BTD: variants seen among roughly 807,000 people sequenced by gnomAD.
BTD encodes the protein biocytinase.
Under a neutral mutation model 17.7 loss-of-function variants are expected in BTD, and 13 were observed. That is an observed-to-expected ratio of 0.74 (90% confidence interval 0.48 to 1.17). The LOEUF is 1.17. BTD is among the 50% of genes most tolerant of loss of function. BTD has a pLI of 0.00. For synonymous variants in BTD, 240 were observed against 245.2 expected (o/e 0.98, Z 0.20); for missense variants, 674 against 650.4 (o/e 1.04, Z -0.39).
intron 1 of BTD, among the ~76,000 whole-genome samples, chr3:15,610,357 G>A (rs532099331): frequency 6.6e-6 from 1 of 152,032 alleles, no homozygotes; most frequent in South Asian, 2.1e-4. Flanking sequence ...CTCTATGTGC[G>A]GTGTTTGCTA....
chr3:15,704,839 A>G (rs900688235), intron 3 of BTD, among the ~76,000 whole-genome samples: 3 of 152,202 alleles, frequency 2.0e-5, no homozygotes, highest in Non-Finnish European at 2.9e-5. Context: ...GCTCCCATGG[A>G]ACAAATCATT....
chr3:15,720,839 C>T (rs544060241), intron 4 of BTD: 4 of 1,265,068 alleles, frequency 3.2e-6, no homozygotes, highest in South Asian at 2.8e-5. Flanking sequence ...CTTTTTATTG[C>T]TCAATGGTAT....
chr3:15,677,192 T>A, intron 3 of BTD: 1 of 718,618 alleles, frequency 1.4e-6, no homozygotes, highest in Non-Finnish European at 2.3e-6. Context: ...GGCTAATATC[T>A]TAATATTTGC....
At chr3:15,691,015 T>G (rs898079068) in intron 3 of BTD, among the ~76,000 whole-genome samples, 1 of 152,228 alleles carries the variant, frequency 6.6e-6, no homozygotes, top group Non-Finnish European at 1.5e-5. Flanking sequence ...AAAGAAGTAA[T>G]TCTTTTAGCA....
In BTD at chr3:15,601,897, A is replaced by ACGGAGGGGGCGTGGTGCGGCG; in HGVS notation, c.-17+13_-17+33dup. On this transcript the variant is annotated splice_donor_region_variant and intron_variant, in intron 1 of 3. Transcript: ENST00000643237. ...GGCGGAAGGCGCGCTAAGAGCAGGT[A>ACGGAGGGGGCGTGGTGCGGCG]CGGAGGGGGCGTGGTGCGGCGCGGA... The ACGGAGGGGGCGTGGTGCGGCG allele has an allele frequency of 1.2e-6, 2 of 1,613,768 alleles. No individual in the cohort carries two copies. The highest frequency in any genetic ancestry group is 1.7e-5 in the Admixed American group (1 of 60,018).
At chr3:15,684,827 ATCT>A (rs574438653) in intron 3 of BTD, 79 of 169,388 alleles carry the variant, frequency 4.7e-4, no homozygotes, top group Non-Finnish European at 8.0e-4. Flanking sequence ...GGAAATAAGG[ATCT>A]AAGAAAAACT....
intron 1 of BTD, among the ~76,000 whole-genome samples, chr3:15,625,807 G>A (rs1399202312): frequency 4.6e-5 from 7 of 152,048 alleles, no homozygotes; most frequent in African/African-American, 9.7e-5. Context: ...TGCCTGCCTC[G>A]GCCTCCCAAA....
chr3:15,641,055 A>G (rs2065488523), intron 2 of BTD, among the ~76,000 whole-genome samples: 1 of 152,110 alleles, frequency 6.6e-6, no homozygotes, highest in South Asian at 2.1e-4. Flanking sequence ...GTAAGTGGAG[A>G]GCAGTGGAAG....
intron 3 of BTD, chr3:15,690,306 T>C: frequency 9.0e-7 from 1 of 1,107,182 alleles, no homozygotes; most frequent in Non-Finnish European, 1.3e-6. Flanking sequence ...TAAGCAAACT[T>C]GTCTTCATAT....
intron 3 of BTD, among the ~76,000 whole-genome samples, chr3:15,694,170 T>A (rs1455724197): frequency 6.6e-6 from 1 of 151,994 alleles, no homozygotes; most frequent in Admixed American, 6.6e-5. Flanking sequence ...ACTTAAAAAA[T>A]TGTCACATTC....
At position 15,644,883 on chromosome 3, in the gene BTD, G is replaced by A; in HGVS notation, c.967G>A (p.Gly323Ser). 6.2e-7 allele frequency: 1 copy of A among 1,614,078 alleles called. No homozygotes were observed. Among genetic ancestry groups the A allele is most frequent in the Non-Finnish European group, 8.5e-7 (1 of 1,180,026 alleles). The change falls in exon 4 of 4, where the codon GGT becomes AGT. Residue 323 changes from glycine (G) to serine (S), a missense_variant. Gly to Ser is a moderately conservative substitution (Grantham distance 56). Coordinates refer to ENST00000643237, the MANE Select transcript of BTD (RefSeq NM_001370658.1). ...IIAQVAKNPV[G>S]LIGAENATGE... is the part of the protein sequence containing the mutation. Reference sequence around the variant, plus strand: ...TGCCCAGGTGGCCAAAAATCCAGTGGGTCTCATTGGTGCAGAGAATGCAAC... The same window carrying A: ...TGCCCAGGTGGCCAAAAATCCAGTGAGTCTCATTGGTGCAGAGAATGCAAC...
In BTD at chr3:15,652,669, A is replaced by T. The variant is rs1311382762; in HGVS notation, c.*7181A>T. The stretch of plus-strand genomic sequence containing the variant: ...ATCCTAGGTTTTGAGGTAATTTATT[A>T]TACAGCAATAGAAAACTAATACAAT... On this transcript the variant is annotated 3_prime_UTR_variant, in exon 4 of 4. Coordinates refer to ENST00000643237, the MANE Select transcript of BTD (RefSeq NM_001370658.1). Among the ~76,000 whole-genome samples, 1 of 152,254 alleles carries T rather than the reference A, an allele frequency of 6.6e-6. No individual in the cohort carries two copies.
rs1254031287 is a variant in BTD at position 15,650,722 on chromosome 3, C to T, written c.*5234C>T. 6.6e-6 allele frequency among the ~76,000 whole-genome samples: 1 copy of T among 152,192 alleles called. No individual in the cohort carries two copies. The highest frequency in any genetic ancestry group is 1.5e-5 in the Non-Finnish European group (1 of 68,024). On this transcript the variant is annotated 3_prime_UTR_variant, in exon 4 of 4. Coordinates refer to ENST00000643237, the MANE Select transcript of BTD (RefSeq NM_001370658.1). ...CAGAGATGAACAACCTGGGCTCTTG[C>T]TTAGGGCACGTGCCCATCCTGAATC...
At chr3:15,628,392 AC>A (rs1342488621) in intron 1 of BTD, among the ~76,000 whole-genome samples, 12 of 152,368 alleles carry the variant, frequency 7.9e-5, no homozygotes, top group African/African-American at 2.9e-4. Flanking sequence ...ATTTCTGAGC[AC>A]ATCTTCCCTG....
intron 2 of BTD, among the ~76,000 whole-genome samples, chr3:15,641,331 G>A (rs1382445028): frequency 1.3e-5 from 2 of 152,146 alleles, no homozygotes; most frequent in African/African-American, 4.8e-5. Context: ...CCTAACCTTG[G>A]CTACAAATGA....
At chr3:15,674,417 T>TC (rs1216820637) in intron 3 of BTD, among the ~76,000 whole-genome samples, 2 of 152,022 alleles carry the variant, frequency 1.3e-5, no homozygotes, top group Non-Finnish European at 2.9e-5. Flanking sequence ...ATGAGAATTG[T>TC]CTTCAATGGA....
In BTD at chr3:15,649,721, A is replaced by G. The variant is rs1575035643; in HGVS notation, c.*4233A>G. 1.3e-5 allele frequency among the ~76,000 whole-genome samples: 2 copies of G among 152,142 alleles called. No individual in the cohort carries two copies. Among genetic ancestry groups the G allele is most frequent in the East Asian group, 3.9e-4 (2 of 5,184 alleles). ...CTGATGAACACTCATCCATCCTTCA[A>G]GGTCTACTCTCTCATCACAGCTTGT... On this transcript the variant is annotated 3_prime_UTR_variant, in exon 4 of 4. Transcript: ENST00000643237.
chr3:15,692,813 T>C (rs111863329), intron 3 of BTD, among the ~76,000 whole-genome samples: 2,159 of 152,330 alleles, frequency 0.014, 51 homozygotes, highest in African/African-American at 0.048. Flanking sequence ...TTAGTATACC[T>C]ATGGCATAGC....
At chr3:15,622,918 G>T (rs1225072503) in intron 1 of BTD, among the ~76,000 whole-genome samples, 1 of 152,138 alleles carries the variant, frequency 6.6e-6, no homozygotes, top group Non-Finnish European at 1.5e-5. Flanking sequence ...TGTTAATAAA[G>T]ACATACCTGA....
Sources: allele counts gnomAD v4.1 joint callset (sites outside exome capture counted in the v4.1 genomes callset), GRCh38; gene constraint gnomAD v4.1.1; transcripts MANE v1.5; gene names NCBI Gene and HGNC (gene_info 2026-07-23, HGNC 2026-07-21).